SH3KBP1: variants seen among roughly 807,000 people sequenced by gnomAD.
SH3KBP1 encodes the protein SH3 domain containing kinase binding protein 1.
A neutral mutation model predicts 50.1 loss-of-function variants in SH3KBP1; 8 were observed. That is an observed-to-expected ratio of 0.16 (90% confidence interval 0.09 to 0.29). The LOEUF is 0.29. Ranked by LOEUF, SH3KBP1 falls within the 10% of genes least tolerant of loss-of-function variation. The pLI is 1.00. For missense variants in SH3KBP1, 377 were observed against 535.2 expected (o/e 0.70, Z 2.92); for synonymous variants, 227 against 218.6 (o/e 1.04, Z -0.34).
intron 4 of SH3KBP1, among the ~76,000 whole-genome samples, chrX:19,706,317 G>A (rs1369999664): frequency 1.8e-5 from 2 of 111,242 alleles, no homozygotes; most frequent in Non-Finnish European, 3.8e-5. Flanking sequence ...ACAGCAGGAA[G>A]AGTGAGGGTC....
At chrX:19,836,608 G>C (rs143223968) in intron 1 of SH3KBP1, among the ~76,000 whole-genome samples, 381 of 111,734 alleles carry the variant, frequency 3.4e-3, no homozygotes, top group Non-Finnish European at 5.8e-3. Flanking sequence ...GTCTCCCCGA[G>C]CTCAGAGTAC....
At chrX:19,725,941 A>G (rs1466817510) in intron 3 of SH3KBP1, among the ~76,000 whole-genome samples, 1 of 111,948 alleles carries the variant, frequency 8.9e-6, no homozygotes, top group East Asian at 2.8e-4. Flanking sequence ...TATGACTTGC[A>G]GCCCAGAAAC....
intron 9 of SH3KBP1, among the ~76,000 whole-genome samples, chrX:19,600,277 G>A (rs1422391818): frequency 1.8e-5 from 2 of 108,828 alleles, no homozygotes; most frequent in South Asian, 4.0e-4. Flanking sequence ...CCATCTACTC[G>A]GGAGGCTGAG....
chrX:19,684,881 TC>T (rs1373673300), intron 5 of SH3KBP1, among the ~76,000 whole-genome samples: 1 of 112,293 alleles, frequency 8.9e-6, no homozygotes, highest in African/African-American at 3.2e-5. Context: ...GACACTTACC[TC>T]CCCAGATTCT....
At chrX:19,538,396 T>C (rs1284002910) in intron 16 of SH3KBP1, among the ~76,000 whole-genome samples, 1 of 107,918 alleles carries the variant, frequency 9.3e-6, no homozygotes, top group African/African-American at 3.4e-5. Context: ...TTTGTAGAGA[T>C]GGGGGTCTCA....
intron 2 of SH3KBP1, among the ~76,000 whole-genome samples, chrX:19,777,626 G>A (rs1281718063): frequency 1.8e-5 from 2 of 111,102 alleles, no homozygotes; most frequent in Non-Finnish European, 3.8e-5. Flanking sequence ...ACTGCTAGGC[G>A]CTACCCCTAG....
At chrX:19,780,681 C>A (rs993946208) in intron 2 of SH3KBP1, among the ~76,000 whole-genome samples, 1 of 103,954 alleles carries the variant, frequency 9.6e-6, no homozygotes, top group African/African-American at 3.5e-5. Flanking sequence ...GTTTTCCCAG[C>A]ACCATTTATT....
intron 6 of SH3KBP1, among the ~76,000 whole-genome samples, chrX:19,656,703 G>C (rs905674149): frequency 8.9e-6 from 1 of 111,898 alleles, no homozygotes; most frequent in African/African-American, 3.3e-5. Context: ...CACAGTGCAG[G>C]TGTCTCTCAG....
At chrX:19,670,949 G>C in intron 6 of SH3KBP1, 1 of 1,128,646 alleles carries the variant, frequency 8.9e-7, no homozygotes, top group Non-Finnish European at 1.2e-6. Context: ...CCTTCCAACA[G>C]CACGGAGCCT....
intron 1 of SH3KBP1, among the ~76,000 whole-genome samples, chrX:19,875,584 T>C (rs1397880267): frequency 8.9e-6 from 1 of 112,432 alleles, no homozygotes; most frequent in Non-Finnish European, 1.9e-5. Context: ...GGGTCCTCCA[T>C]GCGCCCTCCT....
Position 19,773,762 on chromosome X carries a change from A to G in SH3KBP1, c.163-27321T>C, listed in dbSNP as rs188116907. ...TCCCAGCTACTTGGGAGGCTGAGGCAGGAGAATGGCGTGAACCCGGGAGGC... is the reference window on the plus strand; with the variant it reads ...TCCCAGCTACTTGGGAGGCTGAGGCGGGAGAATGGCGTGAACCCGGGAGGC... On this transcript the variant is annotated intron_variant, in intron 2 of 17. Coordinates refer to ENST00000397821, the MANE Select transcript of SH3KBP1 (RefSeq NM_031892.3). Among the ~76,000 whole-genome samples, 136 of 100,070 alleles carry G rather than the reference A, an allele frequency of 1.4e-3. No individual in the cohort carries two copies. In the East Asian group the frequency reaches 0.015, roughly 11 times the overall value. The allele number at this position is 100,070 out of a possible 115,157, so 86.9% of individuals were successfully genotyped here. A position where few individuals can be genotyped will look rare whatever the true frequency, so the allele number is the denominator to read the frequency against.
intron 10 of SH3KBP1, 67 bp from the exon 11 acceptor site, chrX:19,592,214 T>C (rs2066770404): frequency 1.1e-6 from 1 of 894,783 alleles, no homozygotes; most frequent in Admixed American, 2.4e-5. Context: ...CCCACCAGCA[T>C]TTAAATCTTT....
intron 1 of SH3KBP1, among the ~76,000 whole-genome samples, chrX:19,851,182 C>T (rs1366968460): frequency 8.0e-5 from 9 of 112,024 alleles, no homozygotes; most frequent in Non-Finnish European, 1.7e-4. Context: ...GCTTGCAGAC[C>T]TCAAGCCTGA....
At chrX:19,800,329 G>A (rs965290344) in intron 2 of SH3KBP1, among the ~76,000 whole-genome samples, 3 of 111,801 alleles carry the variant, frequency 2.7e-5, no homozygotes, top group African/African-American at 9.8e-5. Flanking sequence ...CAAATAACTG[G>A]CAGAATGTCT....
intron 2 of SH3KBP1, among the ~76,000 whole-genome samples, chrX:19,764,986 CTTTTTTTTTTT>C (rs34368819): frequency 2.2e-5 from 1 of 44,551 alleles, no homozygotes; most frequent in African/African-American, 9.5e-5. Flanking sequence ...TTTTGCAGTT[CTTTTTTTTTTT>C]TTTTTTTTTT....
At chrX:19,871,919 T>C (rs1291260008) in intron 1 of SH3KBP1, among the ~76,000 whole-genome samples, 1 of 110,807 alleles carries the variant, frequency 9.0e-6, no homozygotes, top group Non-Finnish European at 1.9e-5. Flanking sequence ...GTTTTCCCTA[T>C]GGTTCTGGGA....
chrX:19,742,845 C>T (rs1041986052), intron 3 of SH3KBP1, among the ~76,000 whole-genome samples: 4 of 112,075 alleles, frequency 3.6e-5, no homozygotes, highest in Non-Finnish European at 5.6e-5. Flanking sequence ...CTTAACTCAT[C>T]GATATACTGG....
Position 19,836,272 on chromosome X carries a change from T to G in SH3KBP1, c.15A>C (p.Ile5=). 1 of 1,209,197 alleles carries G rather than the reference T, an allele frequency of 8.3e-7. No individual in the cohort carries two copies. Among genetic ancestry groups the G allele is most frequent in the Non-Finnish European group, 1.1e-6 (1 of 893,933 alleles). Residue 5 remains isoleucine (I), a synonymous_variant, in exon 2 of 18, where the codon ATA becomes ATC. Transcript: ENST00000397821. MVEA[I]VEFDYQAQHD... ...GCTGGGCCTGGTAGTCAAACTCCAC[T>G]ATGGCCTCCACTGGAAGGAACAGGG...
chrX:19,638,533 T>A (rs1190136209), intron 7 of SH3KBP1, among the ~76,000 whole-genome samples: 1 of 111,724 alleles, frequency 9.0e-6, no homozygotes, highest in African/African-American at 3.3e-5. Flanking sequence ...GGGTTCTGAT[T>A]CTGTAGGGCT....
Sources: allele counts gnomAD v4.1 joint callset (sites outside exome capture counted in the v4.1 genomes callset), GRCh38; gene constraint gnomAD v4.1.1; transcripts MANE v1.5; gene names NCBI Gene and HGNC (gene_info 2026-07-23, HGNC 2026-07-21).